The following FOXK2 variants were observed in gnomAD, a reference collection of about 807,000 sequenced individuals.
FOXK2 encodes forkhead box protein K2.
A neutral mutation model predicts 53.3 loss-of-function variants in FOXK2; 24 were observed. That is an observed-to-expected ratio of 0.45 (90% CI 0.33 to 0.63). The LOEUF is 0.63. Among genes scored for constraint, FOXK2 ranks in the 30% least tolerant of loss-of-function variants. FOXK2 has a pLI of 0.03. For missense variants in FOXK2, 952 were observed against 910.5 expected, an observed-to-expected ratio of 1.05 and a Z score of -0.59; for synonymous variants, 505 against 407.1, an observed-to-expected ratio of 1.24 and a Z score of -2.89.
chr17:82,530,596 C>G (rs2144050613), intron 1 of FOXK2, among the ~76,000 whole-genome samples: 1 of 150,684 alleles, frequency 6.6e-6, no homozygotes, highest in African/African-American at 2.4e-5. Context: ...CTGCAACGTC[C>G]TCCTCCCGGG....
At chr17:82,547,426 T>C (rs928906204) in intron 1 of FOXK2, among the ~76,000 whole-genome samples, 12 of 151,674 alleles carry the variant, frequency 7.9e-5, no homozygotes, top group Non-Finnish European at 1.3e-4. Context: ...TGGGCCACAT[T>C]CAAAGCCATC....
At chr17:82,565,356 GACA>G (rs1282203823) in intron 2 of FOXK2, among the ~76,000 whole-genome samples, 5 of 152,130 alleles carry the variant, frequency 3.3e-5, no homozygotes, top group Admixed American at 6.5e-5. Context: ...TGCATCAAAA[GACA>G]ACATCAGTAG....
intron 1 of FOXK2, among the ~76,000 whole-genome samples, chr17:82,524,460 TGA>T (rs2044397777): frequency 1.3e-5 from 2 of 152,218 alleles, no homozygotes; most frequent in South Asian, 4.1e-4. Context: ...GAGAGAAAGA[TGA>T]GGACTATGAT....
At chr17:82,575,890 G>A (rs1049955761) in intron 4 of FOXK2, among the ~76,000 whole-genome samples, 3 of 152,150 alleles carry the variant, frequency 2.0e-5, no homozygotes, top group Non-Finnish European at 2.9e-5. Flanking sequence ...GGGTGGCGGC[G>A]GGTTCATCCA....
In FOXK2 at chr17:82,534,945, T is replaced by C. The variant is rs965560912; in HGVS notation, c.419+14638T>C. On this transcript the variant is annotated intron_variant, in intron 1 of 8. Coordinates refer to ENST00000335255, the MANE Select transcript of FOXK2 (RefSeq NM_004514.4). ...GCCCAGCTGGAGTGCAGTGGCACCA[T>C]CTTGGCTCACTGCAACCTCCACCTC... is the stretch of plus-strand genomic sequence containing the variant. 3.9e-5 allele frequency among the ~76,000 whole-genome samples: 6 copies of C among 152,242 alleles called. No homozygotes were observed. In the East Asian group the frequency reaches 1.2e-3, roughly 29 times the overall value.
chr17:82,531,902 G>A (rs1250706410), intron 1 of FOXK2, among the ~76,000 whole-genome samples: 3 of 152,204 alleles, frequency 2.0e-5, no homozygotes, highest in East Asian at 1.9e-4. Flanking sequence ...GTGCAATGGC[G>A]TGATCTTGGC....
chr17:82,561,860 T>C (rs1007762875), intron 1 of FOXK2, among the ~76,000 whole-genome samples: 8 of 149,848 alleles, frequency 5.3e-5, no homozygotes, highest in Non-Finnish European at 1.0e-4. Flanking sequence ...CTCCACAGGC[T>C]GGAGGTGCCC....
In FOXK2 at chr17:82,563,490, A is replaced by G; in HGVS notation, c.556A>G (p.Ile186Val). The G allele has an allele frequency of 6.2e-7, 1 of 1,614,048 alleles. No individual in the cohort carries two copies. The highest frequency in any genetic ancestry group is 8.5e-7 in the Non-Finnish European group (1 of 1,179,996). ...QPHISPLTIN[I>V]PDTMAHLISP... ...ACACATCTCGCCCCTGACCATCAAC[A>G]TTCCAGACACCATGGCCCACCTCAT... Residue 186 changes from isoleucine to valine, a missense_variant, in exon 2 of 9, where the codon ATT (isoleucine) becomes GTT (valine). Ile to Val is a conservative substitution (Grantham distance 29). This residue lies in a region of FOXK2 where 76 missense variants were observed against 128.2 expected (regional missense o/e 0.59). Transcript: ENST00000335255.
Position 82,592,159 on chromosome 17 carries a change from C to G in FOXK2, c.1786+4887C>G, listed in dbSNP as rs59198100. Among the ~76,000 whole-genome samples the G allele has an allele frequency of 4.4e-3, 664 of 152,324 alleles. 8 individuals are homozygous for G. The highest frequency in any genetic ancestry group is 0.015 in the African/African-American group (613 of 41,562). ...GACTCTGGTGATCCTCTAGCCTTGG[C>G]CTCCCAAAGTGCTGGGATTACAGGT... On this transcript the variant is annotated intron_variant, in intron 8 of 8. Coordinates refer to ENST00000335255, the MANE Select transcript of FOXK2 (RefSeq NM_004514.4).
chr17:82,527,026 A>G (rs987386132), intron 1 of FOXK2, among the ~76,000 whole-genome samples: 1 of 152,160 alleles, frequency 6.6e-6, no homozygotes, highest in South Asian at 2.1e-4. Flanking sequence ...AAGGGCTGCA[A>G]GGTGGCTGAA....
At chr17:82,573,936 C>T (rs1598220301) in intron 4 of FOXK2, among the ~76,000 whole-genome samples, 1 of 152,186 alleles carries the variant, frequency 6.6e-6, no homozygotes, top group East Asian at 1.9e-4. Context: ...TGGGGGGGCC[C>T]AAGTCAGGAC....
chr17:82,588,736 C>G (rs2045222895), intron 8 of FOXK2, among the ~76,000 whole-genome samples: 1 of 151,982 alleles, frequency 6.6e-6, no homozygotes, highest in Non-Finnish European at 1.5e-5. Flanking sequence ...CTGGGTCCAC[C>G]TCTCTTAGAA....
intron 1 of FOXK2, among the ~76,000 whole-genome samples, chr17:82,561,773 G>A (rs1222875696): frequency 1.3e-5 from 2 of 152,196 alleles, no homozygotes; most frequent in East Asian, 1.9e-4. Flanking sequence ...GGGCCATGGC[G>A]TAGCTTCCGA....
At chr17:82,539,838 C>T (rs778480850) in intron 1 of FOXK2, among the ~76,000 whole-genome samples, 2 of 151,032 alleles carry the variant, frequency 1.3e-5, no homozygotes, top group African/African-American at 2.4e-5. Context: ...TGGTGGCAGG[C>T]ACCTGTAATC....
At chr17:82,557,346 A>T (rs1042497871) in intron 1 of FOXK2, among the ~76,000 whole-genome samples, 2 of 145,042 alleles carry the variant, frequency 1.4e-5, no homozygotes, top group African/African-American at 2.6e-5. Context: ...TTTATTTTTT[A>T]TATATATATA....
intron 4 of FOXK2, chr17:82,576,753 A>G (rs2044991430): frequency 1.4e-6 from 1 of 697,358 alleles, no homozygotes; most frequent in Non-Finnish European, 2.4e-6. Flanking sequence ...AGCATGTCGA[A>G]TATGTCACCA....
intron 8 of FOXK2, among the ~76,000 whole-genome samples, chr17:82,590,478 T>A (rs553161870): frequency 6.6e-6 from 1 of 152,186 alleles, no homozygotes. Context: ...ATGTACTTTA[T>A]GGTTATTTGT....
In FOXK2 at chr17:82,563,412, G is replaced by T; in HGVS notation, c.478G>T (p.Glu160Ter). Residue 160 changes from glutamate to a stop codon, truncating the protein, a stop_gained, in exon 2 of 9, where the codon GAG becomes TAG. Transcript: ENST00000335255. LOFTEE classifies it high-confidence loss of function. ...GATAACGTTCACTGCCCTGTCCAGC[G>T]AGAAGAGAGAGAAGCAGGAGGCGTC... Reference protein sequence around the residue: ...IKITFTALSSEKREKQEASES... With the variant: ...IKITFTALSS 1 of 1,614,160 alleles carries T rather than the reference G, an allele frequency of 6.2e-7. No homozygotes were observed. Among genetic ancestry groups the T allele is most frequent in the Non-Finnish European group, 8.5e-7 (1 of 1,180,036 alleles).
chr17:82,597,255 C>T (rs1389320098), intron 8 of FOXK2, among the ~76,000 whole-genome samples: 1 of 152,244 alleles, frequency 6.6e-6, no homozygotes, highest in Non-Finnish European at 1.5e-5. Flanking sequence ...CTGCCTTATT[C>T]AGCATCTTTA....
Sources: gnomAD v4.1 joint callset for allele counts (sites outside exome capture counted in the v4.1 genomes callset) on GRCh38, gnomAD v4.1.1 for gene constraint, gnomAD v4.1.1 regional missense constraint, MANE v1.5 for transcripts, NCBI Gene and HGNC (gene_info 2026-07-23, HGNC 2026-07-21) for gene names.